SUSD4: variants seen among roughly 807,000 people sequenced by gnomAD.
The protein encoded by SUSD4 is sushi domain containing 4, also known as sushi domain-containing protein 4.
In SUSD4, 41 loss-of-function variants were observed where a neutral mutation model predicts 50.5. The observed-to-expected ratio is 0.81, with a 90% CI of 0.63 to 1.05. The LOEUF is 1.05. SUSD4 is among the 50% of genes least tolerant of loss of function. The pLI, the probability that SUSD4 is intolerant of heterozygous loss-of-function variation, is 0.00. For synonymous variants in SUSD4, 257 were observed against 257.3 expected (o/e 1.00, Z 0.01); for missense variants, 580 against 634.7 (o/e 0.91, Z 0.93).
upstream of SUSD4, among the ~76,000 whole-genome samples, chr1:223,365,000 G>A (rs1162104602): frequency 2.6e-5 from 4 of 152,112 alleles, no homozygotes; most frequent in African/African-American, 9.7e-5. The surrounding 1 kb of genome is among the most constrained non-coding windows in gnomAD (Gnocchi z 4.5). Flanking sequence ...TCCGGTCTTG[G>A]AGATGCGCGG....
At chr1:223,290,625 C>A (rs762987878) in intron 3 of SUSD4, among the ~76,000 whole-genome samples, 6 of 152,172 alleles carry the variant, frequency 3.9e-5, no homozygotes, top group South Asian at 2.1e-4. Context: ...TATGTACAAG[C>A]CCCTCCCTGC....
chr1:223,323,662 G>A (rs539201422), intron 2 of SUSD4, among the ~76,000 whole-genome samples: 1 of 152,280 alleles, frequency 6.6e-6, no homozygotes, highest in Admixed American at 6.5e-5. Context: ...GTCTGCCAGT[G>A]ACTGTGCCAA....
At chr1:223,279,228 C>T (rs1663509509) in intron 3 of SUSD4, among the ~76,000 whole-genome samples, 1 of 152,204 alleles carries the variant, frequency 6.6e-6, no homozygotes, top group Non-Finnish European at 1.5e-5. Context: ...TGGAGAATGA[C>T]TTTGACGAGT....
chr1:223,229,144 C>A lies in SUSD4; in HGVS notation c.916+53G>T, dbSNP rs1309143620. The stretch of plus-strand genomic sequence containing the variant: ...GTACATAACCACCACCCACTATGTG[C>A]AGATGGTCCAAGGAGGGTCCATCTC... On this transcript the variant is annotated intron_variant, in intron 6 of 8. Coordinates refer to ENST00000366878, the MANE Select transcript of SUSD4 (RefSeq NM_017982.4). The surrounding 1 kb of genome is among the most constrained non-coding windows in gnomAD (Gnocchi z 4.7). The A allele has an allele frequency of 2.0e-6, 3 of 1,511,304 alleles. No individual in the cohort carries two copies. The highest frequency in any genetic ancestry group is 2.7e-5 in the African/African-American group (2 of 73,128). 93.6% of individuals were successfully genotyped at this position (1,511,304 alleles called of 1,614,324 possible).
Position 223,221,815 on chromosome 1 carries a change from G to A in SUSD4, c.*377C>T, listed in dbSNP as rs2102984101. The A allele has an allele frequency of 5.3e-6, 1 of 187,962 alleles. No individual in the cohort carries two copies. Among genetic ancestry groups the A allele is most frequent in the Non-Finnish European group, 1.1e-5 (1 of 92,124 alleles). The allele number at this position is 187,962 out of a possible 1,614,324, so 11.6% of individuals were successfully genotyped here. ...GATGTTAGAAGCAAATTTACATGAT[G>A]TGACATGCTTTCAGAGGGGGCGGGG... is the stretch of plus-strand genomic sequence containing the variant. On this transcript the variant is annotated 3_prime_UTR_variant, in exon 9 of 9. Coordinates refer to ENST00000366878, the MANE Select transcript of SUSD4 (RefSeq NM_017982.4).
intron 5 of SUSD4, among the ~76,000 whole-genome samples, chr1:223,261,195 G>T (rs1662096244): frequency 6.6e-6 from 1 of 152,190 alleles, no homozygotes. Flanking sequence ...CCTCTCTGCT[G>T]CTGGGATTTC....
chr1:223,319,194 A>C (rs1423314953), intron 2 of SUSD4, among the ~76,000 whole-genome samples: 72 of 96,884 alleles, frequency 7.4e-4, no homozygotes, highest in African/African-American at 2.6e-3. Flanking sequence ...CTAAAACCAT[A>C]AAAACCCTAG....
rs373485668 is a variant in SUSD4, at chr1:223,222,326, G to A, written c.1445-106C>T. The A allele has an allele frequency of 1.7e-4, 205 of 1,225,078 alleles. 2 individuals carry two copies. The African/African-American group carries it at 3.0e-3, about 18-fold the overall frequency. 75.9% of individuals were successfully genotyped at this position (1,225,078 alleles called of 1,614,324 possible). ...ATCTACAGTTTCTCAAATCAGTGAGGAGAAGAAAATGTTAAGTTCCACATA... is the reference window on the plus strand; with the variant it reads ...ATCTACAGTTTCTCAAATCAGTGAGAAGAAGAAAATGTTAAGTTCCACATA... On this transcript the variant is annotated intron_variant, in intron 8 of 8. Transcript: ENST00000366878.
chr1:223,259,632 G>A (rs1418702322), intron 5 of SUSD4, among the ~76,000 whole-genome samples: 1 of 152,130 alleles, frequency 6.6e-6, no homozygotes. Context: ...GGTTGTGGGT[G>A]GTCCTATCCC....
chr1:223,319,240 G>A (rs1227788177), intron 2 of SUSD4, among the ~76,000 whole-genome samples: 1 of 118,474 alleles, frequency 8.4e-6, no homozygotes, highest in South Asian at 3.5e-4. Context: ...GGACATAGGC[G>A]TGGGCAAGGA....
intron 2 of SUSD4, among the ~76,000 whole-genome samples, chr1:223,359,755 G>A (rs995304375): frequency 2.0e-5 from 3 of 152,196 alleles, no homozygotes; most frequent in African/African-American, 7.2e-5. Flanking sequence ...GTTACAGCTA[G>A]TGCAATGGGA....
intron 2 of SUSD4, among the ~76,000 whole-genome samples, chr1:223,347,412 C>T (rs1251099053): frequency 6.6e-6 from 1 of 152,114 alleles, no homozygotes; most frequent in Admixed American, 6.5e-5. Context: ...ACTTAAATGT[C>T]ATCTCTGTCA....
chr1:223,255,724 T>C (rs1023918574), intron 5 of SUSD4, among the ~76,000 whole-genome samples: 2 of 152,180 alleles, frequency 1.3e-5, no homozygotes, highest in South Asian at 2.1e-4. Context: ...TACTGTCCCA[T>C]GGAAAGAAGC....
rs202240339 is a variant in SUSD4 at position 223,295,839 on chromosome 1, T to TA, written c.149-3189dup. Among the ~76,000 whole-genome samples the TA allele has an allele frequency of 4.3e-3, 498 of 116,736 alleles. 2 individuals carry two copies. The highest frequency in any genetic ancestry group is 8.6e-3 in the South Asian group (32 of 3,732). The allele number at this position is 116,736 out of a possible 152,430, so 76.6% of individuals were successfully genotyped here. On this transcript the variant is annotated intron_variant, in intron 2 of 8. Coordinates refer to ENST00000366878, the MANE Select transcript of SUSD4 (RefSeq NM_017982.4). ...CACATGTACCCTAGAACTTAAAGTA[T>TA]AAAAAAAAAAAAAAAGACTGAGAGG... is the stretch of plus-strand genomic sequence containing the variant.
At chr1:223,234,755 CGTGAA>C (rs1181151104) in intron 5 of SUSD4, among the ~76,000 whole-genome samples, 5 of 152,224 alleles carry the variant, frequency 3.3e-5, no homozygotes, top group African/African-American at 9.6e-5. Context: ...GTCTTAGTGA[CGTGAA>C]ATAGAGCTTT....
In SUSD4 at chr1:223,221,836, C is replaced by T. The variant is rs72743886; in HGVS notation, c.*356G>A. Reference sequence around the variant, plus strand: ...TGATGTGACATGCTTTCAGAGGGGGCGGGGAGTACTTGCCAGTCAATGGGA... The same window carrying T: ...TGATGTGACATGCTTTCAGAGGGGGTGGGGAGTACTTGCCAGTCAATGGGA... On this transcript the variant is annotated 3_prime_UTR_variant, in exon 9 of 9. Transcript: ENST00000366878. 1.4e-3 allele frequency: 309 copies of T among 218,436 alleles called. 3 individuals carry two copies. Among genetic ancestry groups the T allele is most frequent in the Non-Finnish European group, 2.3e-3 (262 of 112,000 alleles). 13.5% of individuals were successfully genotyped at this position (218,436 alleles called of 1,614,324 possible).
At chr1:223,265,107 C>T (rs1662398832) in intron 4 of SUSD4, among the ~76,000 whole-genome samples, 1 of 152,184 alleles carries the variant, frequency 6.6e-6, no homozygotes, top group Non-Finnish European at 1.5e-5. Flanking sequence ...CCTCAGGCCA[C>T]GTGTTCTGGC....
chr1:223,286,218 C>A (rs1307952430), intron 3 of SUSD4, among the ~76,000 whole-genome samples: 1 of 152,116 alleles, frequency 6.6e-6, no homozygotes, highest in Non-Finnish European at 1.5e-5. Flanking sequence ...TGGGTTCATG[C>A]CATTCTCCTG....
chr1:223,327,723 A>G (rs1666956340), intron 2 of SUSD4, among the ~76,000 whole-genome samples: 1 of 152,216 alleles, frequency 6.6e-6, no homozygotes, highest in African/African-American at 2.4e-5. Context: ...GGGCCCCGGC[A>G]TGGCCCAGGC....
Sources: allele counts gnomAD v4.1 joint callset (sites outside exome capture counted in the v4.1 genomes callset), GRCh38; gene constraint gnomAD v4.1.1; non-coding constraint Gnocchi (gnomAD v3.1); transcripts MANE v1.5; gene names NCBI Gene and HGNC (gene_info 2026-07-23, HGNC 2026-07-21).